Variants in CEP63 observed in about 807,000 individuals in gnomAD.
CEP63 encodes centrosomal protein of 63 kDa.
A neutral mutation model predicts 89.1 loss-of-function variants in CEP63; 84 were observed. The observed-to-expected ratio is 0.94, with a 90% confidence interval of 0.79 to 1.13. The LOEUF is 1.13. CEP63 is among the 50% of genes most tolerant of loss of function. The pLI, the probability that CEP63 is intolerant of heterozygous loss-of-function variation, is 0.00. For synonymous variants in CEP63, 267 were observed against 272.5 expected, an observed-to-expected ratio of 0.98 and a Z score of 0.20; for missense variants, 838 against 813.3, an observed-to-expected ratio of 1.03 and a Z score of -0.37.
the CEP63 span, among the ~76,000 whole-genome samples, chr3:134,684,391 C>G: frequency 6.6e-6 from 1 of 152,228 alleles, no homozygotes; most frequent in East Asian, 1.9e-4. Context: ...ACATGTATTT[C>G]TTGCTTAAGC....
the CEP63 span, among the ~76,000 whole-genome samples, chr3:134,767,235 A>C: frequency 6.6e-6 from 1 of 152,222 alleles, no homozygotes; most frequent in Non-Finnish European, 1.5e-5. Flanking sequence ...AAGGCTGTTG[A>C]CATAGACAAG....
the CEP63 span, among the ~76,000 whole-genome samples, chr3:134,659,824 T>G: frequency 1.3e-5 from 2 of 152,152 alleles, no homozygotes; most frequent in Non-Finnish European, 2.9e-5. Context: ...AGGATGTTGG[T>G]GTTCATCGTC....
rs201362940 is a variant in CEP63 at position 134,507,154 on chromosome 3, A to T, written c.90A>T (p.Lys30Asn). The change falls in exon 3 of 15, where the codon AAA becomes AAT. Residue 30 changes from lysine (K) to asparagine (N), a missense_variant. Physicochemically the swap from Lys to Asn is moderately conservative, Grantham distance 94 (BLOSUM62 0). Transcript: ENST00000675561. ...AAGCAGAACTACAGGAGCTCATGAAACAGATTGACATAATGGTGGCTCATA... is the reference window on the plus strand; with the variant it reads ...AAGCAGAACTACAGGAGCTCATGAATCAGATTGACATAATGGTGGCTCATA... ...SCEAELQELM[K>N]QIDIMVAHKK... is the part of the protein sequence containing the mutation. 8.1e-6 allele frequency: 13 copies of T among 1,613,714 alleles called. No homozygotes were observed.
chr3:134,769,307 G>A, the CEP63 span, among the ~76,000 whole-genome samples: 1 of 152,130 alleles, frequency 6.6e-6, no homozygotes, highest in Non-Finnish European at 1.5e-5. Flanking sequence ...ATGTGTGGTG[G>A]AGGCAGAATT....
At chr3:134,765,001 A>G in the CEP63 span, among the ~76,000 whole-genome samples, 11,981 of 152,142 alleles carry the variant, frequency 0.079, 1,021 homozygotes, top group African/African-American at 0.21. Context: ...GTGGTTCTCA[A>G]ACTTGGAGGA....
At chr3:134,770,101 C>A in the CEP63 span, among the ~76,000 whole-genome samples, 187 of 152,336 alleles carry the variant, frequency 1.2e-3, 1 homozygote, top group African/African-American at 4.1e-3. Flanking sequence ...TGGTCTTTGT[C>A]TTTGTGGTCC....
chr3:134,575,063 G>A (rs145741135), downstream of CEP63: 208 of 391,994 alleles, frequency 5.3e-4, 3 homozygotes, highest in East Asian at 6.9e-3. Context: ...AGAATTTAAA[G>A]ACTGTCACTA....
At chr3:134,695,457 C>A in the CEP63 span, among the ~76,000 whole-genome samples, 1 of 152,166 alleles carries the variant, frequency 6.6e-6, no homozygotes. Context: ...ATGGTGATGA[C>A]CTTTCTTGCT....
the CEP63 span, among the ~76,000 whole-genome samples, chr3:134,675,934 G>C: frequency 1.3e-5 from 2 of 152,188 alleles, no homozygotes; most frequent in African/African-American, 4.8e-5. Flanking sequence ...TTGCTGGTGG[G>C]AATGTAAAAT....
the CEP63 span, among the ~76,000 whole-genome samples, chr3:134,715,366 A>G: frequency 6.6e-6 from 1 of 151,418 alleles, no homozygotes; most frequent in South Asian, 2.1e-4. Flanking sequence ...TCACCTAGCG[A>G]TGAATTGCAC....
At chr3:134,610,103 G>C in the CEP63 span, 9 of 1,378,708 alleles carry the variant, frequency 6.5e-6, no homozygotes, top group Non-Finnish European at 7.0e-6. Context: ...TTCCCCTCCC[G>C]CTTGGTCTTC....
At chr3:134,671,538 C>T in the CEP63 span, among the ~76,000 whole-genome samples, 5 of 152,178 alleles carry the variant, frequency 3.3e-5, no homozygotes, top group Non-Finnish European at 7.4e-5. Context: ...AAATGTTGAC[C>T]TTTGTTCACT....
the CEP63 span, among the ~76,000 whole-genome samples, chr3:134,722,872 G>T: frequency 1.3e-5 from 2 of 152,266 alleles, no homozygotes; most frequent in East Asian, 1.9e-4. Flanking sequence ...AATAAAAGAT[G>T]ATTCCAATGC....
chr3:134,567,152 C>CAA (rs57656773), downstream of CEP63, among the ~76,000 whole-genome samples: 1,516 of 141,380 alleles, frequency 0.011, 11 homozygotes, highest in African/African-American at 0.013. Flanking sequence ...AGGAAGAAAG[C>CAA]AAAAAAAAAA....
chr3:134,515,173 A>G (rs1482160144), intron 3 of CEP63, among the ~76,000 whole-genome samples: 1 of 152,232 alleles, frequency 6.6e-6, no homozygotes, highest in African/African-American at 2.4e-5. Context: ...GGGAACCATT[A>G]AAAGTATATA....
downstream of CEP63, among the ~76,000 whole-genome samples, chr3:134,567,433 T>C (rs1237573761): frequency 1.4e-5 from 2 of 140,662 alleles, no homozygotes; most frequent in African/African-American, 2.7e-5. Flanking sequence ...GGGTGAATTA[T>C]ATAGTATGTA....
At chr3:134,698,258 G>A in the CEP63 span, among the ~76,000 whole-genome samples, 500 of 152,288 alleles carry the variant, frequency 3.3e-3, 2 homozygotes, top group African/African-American at 0.012. Flanking sequence ...GGGCTTGGTA[G>A]GATAGCCAAA....
chr3:134,604,147 A>T, the CEP63 span: 2 of 1,608,260 alleles, frequency 1.2e-6, no homozygotes, highest in Middle Eastern at 1.7e-4. Context: ...GCTGGTGTGG[A>T]TGATAGGGTC....
chr3:134,650,977 C>T, the CEP63 span: 1 of 1,612,812 alleles, frequency 6.2e-7, no homozygotes, highest in Admixed American at 1.7e-5. Context: ...GCCTCCTTTC[C>T]GACCTGGGCG....
Sources: gnomAD v4.1 joint callset for allele counts (sites outside exome capture counted in the v4.1 genomes callset) on GRCh38, gnomAD v4.1.1 for gene constraint, MANE v1.5 for transcripts, NCBI Gene and HGNC (gene_info 2026-07-23, HGNC 2026-07-21) for gene names.